The following WWOX variants were observed in gnomAD, a reference collection of about 807,000 sequenced individuals.
WWOX encodes the protein WW domain containing oxidoreductase.
A neutral mutation model predicts 46.2 loss-of-function variants in WWOX; 69 were observed. That is an observed-to-expected ratio of 1.49 (90% CI 1.23 to 1.82). The LOEUF (loss-of-function observed/expected upper bound fraction) is 1.82, where lower values mean the gene tolerates loss of function less well. Among genes scored for constraint, WWOX ranks in the 40% most tolerant of loss-of-function variants. WWOX has a pLI of 0.00. For missense variants in WWOX, 919 were observed against 542.6 expected (o/e 1.69, Z -6.89); for synonymous variants, 359 against 202.6 (o/e 1.77, Z -6.56).
chr16:78,791,747 G>A (rs991813986), intron 8 of WWOX, among the ~76,000 whole-genome samples: 2 of 152,034 alleles, frequency 1.3e-5, no homozygotes, highest in African/African-American at 4.8e-5. Flanking sequence ...GGATTTGGTG[G>A]CGCCTGCCTA....
At chr16:78,923,902 C>A (rs1354008739) in intron 8 of WWOX, among the ~76,000 whole-genome samples, 1 of 148,792 alleles carries the variant, frequency 6.7e-6, no homozygotes, top group African/African-American at 2.5e-5. Context: ...TGGGTTCATG[C>A]CATTCTCCTG....
intron 8 of WWOX, among the ~76,000 whole-genome samples, chr16:78,984,235 AC>A (rs2046740994): frequency 6.6e-6 from 1 of 151,946 alleles, no homozygotes; most frequent in South Asian, 2.1e-4. Flanking sequence ...TGTGGCACAT[AC>A]CCCTGTACAT....
chr16:78,217,146 TG>T (rs1277056479), intron 5 of WWOX, among the ~76,000 whole-genome samples: 1 of 152,238 alleles, frequency 6.6e-6, no homozygotes, highest in African/African-American at 2.4e-5. Context: ...CATCTTTGGT[TG>T]GGAAATGGGC....
intron 8 of WWOX, among the ~76,000 whole-genome samples, chr16:78,935,024 C>T (rs2045706857): frequency 6.6e-6 from 1 of 152,174 alleles, no homozygotes; most frequent in South Asian, 2.1e-4. Context: ...CACTGGCCCT[C>T]AGAGACATGC....
At chr16:78,592,021 A>C (rs2045364407) in intron 8 of WWOX, among the ~76,000 whole-genome samples, 1 of 152,170 alleles carries the variant, frequency 6.6e-6, no homozygotes, top group African/African-American at 2.4e-5. Context: ...CCTCAAGGTA[A>C]GCATCGATTT....
intron 5 of WWOX, among the ~76,000 whole-genome samples, chr16:78,386,400 A>G (rs1359713777): frequency 2.0e-5 from 3 of 152,196 alleles, no homozygotes; most frequent in Non-Finnish European, 4.4e-5. Flanking sequence ...TACTTTCTAT[A>G]AAGGAGTTGT....
Position 78,781,993 on chromosome 16 carries a change from A to G in WWOX, c.1056+349241A>G, listed in dbSNP as rs111616064. 2.4e-3 allele frequency among the ~76,000 whole-genome samples: 371 copies of G among 152,272 alleles called. 1 individual carries two copies. Among genetic ancestry groups the G allele is most frequent in the African/African-American group, 8.6e-3 (358 of 41,568 alleles). Reference sequence around the variant, plus strand: ...GAGGCAGAGGATTCCAGCACAAGCAATTTGGTTCCAAAACCTGCCCTTTTA... The same window carrying G: ...GAGGCAGAGGATTCCAGCACAAGCAGTTTGGTTCCAAAACCTGCCCTTTTA... On this transcript the variant is annotated intron_variant, in intron 8 of 8. Transcript: ENST00000566780.
intron 5 of WWOX, among the ~76,000 whole-genome samples, chr16:78,287,319 G>C (rs2079785711): frequency 6.6e-6 from 1 of 152,078 alleles, no homozygotes; most frequent in African/African-American, 2.4e-5. Context: ...CTTAATGTCT[G>C]TTGAAATGAA....
In WWOX at chr16:79,069,137, G is replaced by T. The variant is rs139597963; in HGVS notation, c.1057-142471G>T. ...CGTGTGACATCTCACTTCGGGGAAA[G>T]GTGGGCCCTGCGCTGCGCTTGGCGA... On this transcript the variant is annotated intron_variant, in intron 8 of 8. Coordinates refer to ENST00000566780, the MANE Select transcript of WWOX (RefSeq NM_016373.4). Among the ~76,000 whole-genome samples the T allele has an allele frequency of 1.2e-4, 19 of 152,320 alleles. No homozygotes were observed. In the East Asian group the frequency reaches 3.1e-3, roughly 25 times the overall value.
intron 8 of WWOX, among the ~76,000 whole-genome samples, chr16:79,190,641 A>G (rs1263172835): frequency 6.6e-6 from 1 of 152,182 alleles, no homozygotes. Context: ...AGTTGGTGTT[A>G]CTTAGATGAT....
At chr16:79,014,367 C>T (rs559079600) in intron 8 of WWOX, among the ~76,000 whole-genome samples, 7 of 152,224 alleles carry the variant, frequency 4.6e-5, no homozygotes, top group Non-Finnish European at 5.9e-5. Context: ...TTCCTGTTTT[C>T]TATTGTCCCC....
intron 8 of WWOX, among the ~76,000 whole-genome samples, chr16:78,440,034 G>C (rs1214947153): frequency 2.0e-5 from 3 of 152,144 alleles, no homozygotes; most frequent in African/African-American, 4.8e-5. Flanking sequence ...TTGTATCCTA[G>C]TTATAAAGGA....
At chr16:78,690,015 C>T (rs1314098398) in intron 8 of WWOX, among the ~76,000 whole-genome samples, 1 of 152,052 alleles carries the variant, frequency 6.6e-6, no homozygotes, top group African/African-American at 2.4e-5. Context: ...TGCCCGCCCC[C>T]ATGCCCAGCC....
chr16:78,388,211 A>C (rs984646846), intron 6 of WWOX, among the ~76,000 whole-genome samples: 4 of 152,134 alleles, frequency 2.6e-5, no homozygotes, highest in Non-Finnish European at 5.9e-5. Context: ...TTGTATTTTT[A>C]GTAGACATAG....
intron 8 of WWOX, among the ~76,000 whole-genome samples, chr16:78,939,775 C>A (rs867391882): frequency 2.3e-4 from 35 of 152,324 alleles, no homozygotes; most frequent in African/African-American, 7.5e-4. Context: ...AACTTCAGTT[C>A]TCCAAATTCC....
chr16:78,354,312 CT>C (rs55635025), intron 5 of WWOX, among the ~76,000 whole-genome samples: 35 of 123,250 alleles, frequency 2.8e-4, no homozygotes, highest in Admixed American at 5.2e-4. Context: ...ATGTGCTTAA[CT>C]TTTTTTTTTT....
chr16:78,731,033 A>C (rs1480682806), intron 8 of WWOX, among the ~76,000 whole-genome samples: 2 of 152,184 alleles, frequency 1.3e-5, no homozygotes, highest in Non-Finnish European at 2.9e-5. Flanking sequence ...CGTACTATCC[A>C]ACACATTATG....
At chr16:78,484,332 A>G in intron 8 of WWOX, among the ~76,000 whole-genome samples, 1 of 151,662 alleles carries the variant, frequency 6.6e-6, no homozygotes, top group Non-Finnish European at 1.5e-5. Flanking sequence ...TTGTTCACAG[A>G]TTTTTTTTTC....
chr16:78,402,564 A>C (rs960726702), intron 6 of WWOX, among the ~76,000 whole-genome samples: 1 of 151,722 alleles, frequency 6.6e-6, no homozygotes, highest in South Asian at 2.1e-4. Context: ...CTCAACACCA[A>C]CCCCCTTTCT....
Sources: allele counts gnomAD v4.1 joint callset (sites outside exome capture counted in the v4.1 genomes callset), GRCh38; gene constraint gnomAD v4.1.1; transcripts MANE v1.5; gene names NCBI Gene and HGNC (gene_info 2026-07-23, HGNC 2026-07-21).